CNBD1: variants seen among roughly 807,000 people sequenced by gnomAD.
CNBD1 encodes the protein cyclic nucleotide binding domain containing 1, also known as cyclic nucleotide-binding domain-containing protein 1.
Under a neutral mutation model 54.4 loss-of-function variants are expected in CNBD1, and 71 were observed. The ratio of observed to expected loss-of-function variants is 1.30; its 90% CI spans 1.08 to 1.59. The LOEUF (loss-of-function observed/expected upper bound fraction) is 1.59. Among genes scored for constraint, CNBD1 ranks in the 40% most tolerant of loss-of-function variants. The pLI, the probability that CNBD1 is intolerant of heterozygous loss-of-function variation, is 0.00. For missense variants in CNBD1, 659 were observed against 518.0 expected, an observed-to-expected ratio of 1.27 and a Z score of -2.64; for synonymous variants, 182 against 170.7, an observed-to-expected ratio of 1.07 and a Z score of -0.51.
intron 4 of CNBD1, among the ~76,000 whole-genome samples, chr8:87,061,867 C>T (rs990805277): frequency 6.6e-6 from 1 of 152,180 alleles, no homozygotes; most frequent in African/African-American, 2.4e-5. Context: ...TCTCTGCAGG[C>T]GTCTCCATAA....
chr8:87,129,060 ACT>A (rs1274151906), intron 4 of CNBD1, among the ~76,000 whole-genome samples: 7 of 131,678 alleles, frequency 5.3e-5, no homozygotes, highest in African/African-American at 2.1e-4. Flanking sequence ...ACAGAGCAAG[ACT>A]CTGCCTCAAA....
intron 8 of CNBD1, among the ~76,000 whole-genome samples, chr8:87,301,039 TACAGAAGATC>T (rs1363525737): frequency 6.6e-6 from 1 of 151,906 alleles, no homozygotes; most frequent in African/African-American, 2.4e-5. Flanking sequence ...ACCACTGAAA[TACAGAAGATC>T]ACTCAAGGCT....
intron 8 of CNBD1, among the ~76,000 whole-genome samples, chr8:87,349,984 A>T (rs1363801460): frequency 6.6e-6 from 1 of 152,204 alleles, no homozygotes. Flanking sequence ...TTATAGTAGT[A>T]CAGGTCTCAT....
At chr8:86,963,834 G>A (rs1214357024) in intron 4 of CNBD1, among the ~76,000 whole-genome samples, 7 of 152,126 alleles carry the variant, frequency 4.6e-5, no homozygotes, top group East Asian at 1.9e-4. Context: ...CAGAGTCAAC[G>A]AAAGGAACCC....
chr8:87,078,449 C>T (rs1347161330), intron 4 of CNBD1, among the ~76,000 whole-genome samples: 1 of 152,126 alleles, frequency 6.6e-6, no homozygotes, highest in South Asian at 2.1e-4. Context: ...ACAAATGCCA[C>T]GAGAATAATT....
intron 1 of CNBD1, among the ~76,000 whole-genome samples, chr8:86,872,373 G>A (rs187844715): frequency 1.1e-3 from 170 of 152,072 alleles, no homozygotes; most frequent in Non-Finnish European, 2.0e-3. Flanking sequence ...CTATTTTAAT[G>A]TATTTGTATT....
chr8:87,364,630 C>T (rs776901971), intron 10 of CNBD1, among the ~76,000 whole-genome samples: 12 of 151,600 alleles, frequency 7.9e-5, no homozygotes, highest in Non-Finnish European at 2.9e-5. Flanking sequence ...TTTCTTGATC[C>T]TCTCTCTCTT....
intron 4 of CNBD1, among the ~76,000 whole-genome samples, chr8:86,978,298 C>T (rs914109225): frequency 2.6e-5 from 4 of 152,056 alleles, no homozygotes. Context: ...TGTGGGTGAG[C>T]TTTCCATTGA....
intron 4 of CNBD1, among the ~76,000 whole-genome samples, chr8:86,988,854 A>G (rs922537535): frequency 3.9e-5 from 6 of 152,140 alleles, no homozygotes; most frequent in Non-Finnish European, 7.4e-5. Flanking sequence ...ACAGGATCTC[A>G]TCCTTTTTTA....
chr8:87,327,754 A>T (rs1353385499), intron 8 of CNBD1, among the ~76,000 whole-genome samples: 4 of 151,924 alleles, frequency 2.6e-5, no homozygotes, highest in Non-Finnish European at 4.4e-5. Flanking sequence ...TGCAGAAATC[A>T]CCCGTCTTCT....
chr8:86,949,962 T>TTG (rs1807567921), intron 4 of CNBD1, among the ~76,000 whole-genome samples: 1 of 130,864 alleles, frequency 7.6e-6, no homozygotes, highest in Non-Finnish European at 1.6e-5. Flanking sequence ...TTTTTTTTTT[T>TTG]TTTTTTTTTT....
downstream of CNBD1, among the ~76,000 whole-genome samples, chr8:87,385,931 C>T (rs1359487536): frequency 6.6e-6 from 1 of 152,138 alleles, no homozygotes; most frequent in Admixed American, 6.5e-5. Flanking sequence ...TCCAGAGGAA[C>T]TATCAGGCAG....
chr8:86,891,071 G>A (rs562863293), intron 2 of CNBD1, among the ~76,000 whole-genome samples: 1 of 151,940 alleles, frequency 6.6e-6, no homozygotes, highest in Non-Finnish European at 1.5e-5. Flanking sequence ...TGTTTCCTTG[G>A]TTGTGCAGAA....
chr8:87,146,442 T>C (rs924429600), intron 4 of CNBD1, among the ~76,000 whole-genome samples: 1 of 152,186 alleles, frequency 6.6e-6, no homozygotes, highest in South Asian at 2.1e-4. Context: ...CCAAAGTCTT[T>C]AGTCCTAAGT....
chr8:87,342,110 A>T (rs1454924683), intron 8 of CNBD1, among the ~76,000 whole-genome samples: 1 of 152,054 alleles, frequency 6.6e-6, no homozygotes, highest in Non-Finnish European at 1.5e-5. Context: ...TGTTTCTACT[A>T]AAAATACAAA....
rs879828058 is a variant in CNBD1, at chr8:87,227,369, T to C, written c.578-9550T>C. ...TTTACATTTTGGCATGATTTTGCAG[T>C]GGCTGGTACCGGTTGTTCCTTTCCA... On this transcript the variant is annotated intron_variant, in intron 5 of 10. Coordinates refer to ENST00000518476, the MANE Select transcript of CNBD1 (RefSeq NM_173538.3). 4.4e-3 allele frequency among the ~76,000 whole-genome samples: 655 copies of C among 149,402 alleles called. 1 individual carries two copies. Among genetic ancestry groups the C allele is most frequent in the Non-Finnish European group, 4.4e-3 (295 of 67,124 alleles).
At chr8:87,381,910 C>T (rs1390833291) in intron 10 of CNBD1, among the ~76,000 whole-genome samples, 1 of 151,760 alleles carries the variant, frequency 6.6e-6, no homozygotes, top group Non-Finnish European at 1.5e-5. Flanking sequence ...TGAATAAGTT[C>T]TATGGATCTG....
At chr8:87,377,812 C>A (rs1810982994) in intron 10 of CNBD1, among the ~76,000 whole-genome samples, 1 of 149,544 alleles carries the variant, frequency 6.7e-6, no homozygotes, top group African/African-American at 2.5e-5. Context: ...TCTCCAGCAC[C>A]TGTTGTTTCC....
intron 1 of CNBD1, among the ~76,000 whole-genome samples, chr8:86,884,987 G>C (rs993073179): frequency 5.3e-5 from 8 of 152,018 alleles, no homozygotes; most frequent in African/African-American, 1.9e-4. Context: ...TTGCCTCCTA[G>C]CCACTCAGAT....
Sources: allele counts gnomAD v4.1 joint callset (sites outside exome capture counted in the v4.1 genomes callset), GRCh38; gene constraint gnomAD v4.1.1; transcripts MANE v1.5; gene names NCBI Gene and HGNC (gene_info 2026-07-23, HGNC 2026-07-21).